Variants in GREB1L observed in about 807,000 individuals in gnomAD.
GREB1L encodes the protein GREB1-like protein.
In GREB1L, 17 loss-of-function variants were observed where a neutral mutation model predicts 200.8. The observed-to-expected ratio is 0.08, with a 90% CI of 0.06 to 0.13. GREB1L has a LOEUF of 0.13. Ranked by LOEUF, GREB1L falls within the 10% of genes least tolerant of loss-of-function variation. GREB1L has a pLI of 1.00. For missense variants in GREB1L, 1,657 were observed against 2,367.7 expected (o/e 0.70, Z 6.23); for synonymous variants, 789 against 893.0 (o/e 0.88, Z 2.08).
At chr18:21,505,296 TCAGAAATGCC>T in intron 23 of GREB1L, 106 bp from the exon 24 acceptor site, 3 of 923,746 alleles carry the variant, frequency 3.2e-6, no homozygotes, top group South Asian at 1.7e-5. Flanking sequence ...AGCTCATTTT[TCAGAAATGCC>T]TTTGTCCACC....
intron 1 of GREB1L, among the ~76,000 whole-genome samples, chr18:21,337,053 A>G (rs1598670117): frequency 6.6e-6 from 1 of 152,220 alleles, no homozygotes; most frequent in African/African-American, 2.4e-5. Context: ...CACAGACTTG[A>G]TATCTCTTAT....
intron 30 of GREB1L, among the ~76,000 whole-genome samples, chr18:21,517,578 T>C (rs1440185349): frequency 6.6e-6 from 1 of 152,226 alleles, no homozygotes; most frequent in East Asian, 1.9e-4. Flanking sequence ...TCTTAAAAGA[T>C]AGTAATAAAG....
At chr18:21,363,403 A>G (rs2143594069) in intron 1 of GREB1L, among the ~76,000 whole-genome samples, 1 of 151,334 alleles carries the variant, frequency 6.6e-6, no homozygotes, top group Admixed American at 6.6e-5. Flanking sequence ...CAATCCACAA[A>G]TAATCACTCT....
intron 4 of GREB1L, among the ~76,000 whole-genome samples, chr18:21,389,018 C>T (rs1337455579): frequency 2.0e-5 from 3 of 152,024 alleles, no homozygotes; most frequent in Non-Finnish European, 4.4e-5. Flanking sequence ...GTGTTATCCC[C>T]ACTCTCCTTC....
At chr18:21,418,271 C>T (rs1215513799) in intron 7 of GREB1L, among the ~76,000 whole-genome samples, 1 of 152,114 alleles carries the variant, frequency 6.6e-6, no homozygotes, top group Non-Finnish European at 1.5e-5. Flanking sequence ...TCAGTATCCA[C>T]AAGGGCTTGA....
At chr18:21,310,990 T>C (rs896176970) in intron 1 of GREB1L, among the ~76,000 whole-genome samples, 1 of 152,178 alleles carries the variant, frequency 6.6e-6, no homozygotes, top group East Asian at 1.9e-4. Flanking sequence ...AGGGCCTATA[T>C]CACCAAACTT....
At chr18:21,481,427 C>T (rs1427111288) in intron 17 of GREB1L, among the ~76,000 whole-genome samples, 1 of 141,744 alleles carries the variant, frequency 7.1e-6, no homozygotes, top group African/African-American at 2.7e-5. Context: ...TTTTGAGCAA[C>T]AGTATATATG....
At chr18:21,522,104 T>A (rs772949673) in intron 32 of GREB1L, among the ~76,000 whole-genome samples, 2 of 150,510 alleles carry the variant, frequency 1.3e-5, no homozygotes, top group Middle Eastern at 6.9e-3. Context: ...GAGGAACACA[T>A]GAGAAACATA....
chr18:21,366,602 GA>G (rs1344540525), intron 2 of GREB1L, among the ~76,000 whole-genome samples: 1 of 150,568 alleles, frequency 6.6e-6, no homozygotes, highest in Non-Finnish European at 1.5e-5. Context: ...TTTAGAAAAG[GA>G]AAAAGGTGAT....
At chr18:21,363,055 T>A (rs2039601504) in intron 1 of GREB1L, among the ~76,000 whole-genome samples, 1 of 152,202 alleles carries the variant, frequency 6.6e-6, no homozygotes, top group Non-Finnish European at 1.5e-5. Context: ...TTGTCACAGG[T>A]TGCTTTTTAA....
At chr18:21,513,444 T>C (rs944415935) in intron 27 of GREB1L, among the ~76,000 whole-genome samples, 3 of 152,228 alleles carry the variant, frequency 2.0e-5, no homozygotes, top group African/African-American at 4.8e-5. Flanking sequence ...CCTCTTGTCA[T>C]GCTTCAAGGA....
intron 27 of GREB1L, 78 bp from the exon 28 acceptor site, chr18:21,513,743 T>C: frequency 7.4e-7 from 1 of 1,342,984 alleles, no homozygotes; most frequent in Non-Finnish European, 1.0e-6. Flanking sequence ...GTGGAGAGAA[T>C]ATAGCTGCCT....
intron 7 of GREB1L, among the ~76,000 whole-genome samples, chr18:21,430,574 T>C (rs943248156): frequency 2.7e-5 from 4 of 149,300 alleles, no homozygotes; most frequent in African/African-American, 9.9e-5. Flanking sequence ...GGTGATTGAT[T>C]TGGGATCTTT....
intron 17 of GREB1L, among the ~76,000 whole-genome samples, chr18:21,480,336 G>A (rs1403508113): frequency 6.6e-6 from 1 of 152,038 alleles, no homozygotes; most frequent in Non-Finnish European, 1.5e-5. Context: ...AGGTGACAGA[G>A]GAAGACTCCA....
intron 23 of GREB1L, among the ~76,000 whole-genome samples, chr18:21,501,796 T>C (rs931504629): frequency 6.6e-6 from 1 of 152,194 alleles, no homozygotes; most frequent in Admixed American, 6.5e-5. Context: ...TGAAAACTTC[T>C]ATGTGTAGAA....
At chr18:21,391,123 C>G (rs1366902003) in intron 4 of GREB1L, among the ~76,000 whole-genome samples, 1 of 152,166 alleles carries the variant, frequency 6.6e-6, no homozygotes, top group Non-Finnish European at 1.5e-5. Flanking sequence ...TGTCCTAGGC[C>G]TTCACATTCA....
At chr18:21,454,654 A>G in intron 15 of GREB1L, 91 bp downstream of exon 15, 1 of 991,100 alleles carries the variant, frequency 1.0e-6, no homozygotes, top group Non-Finnish European at 1.6e-6. Flanking sequence ...CGTCTAGAGG[A>G]TGCTTAAAAC....
intron 7 of GREB1L, among the ~76,000 whole-genome samples, chr18:21,415,611 G>C (rs1383242770): frequency 6.6e-6 from 1 of 151,954 alleles, no homozygotes; most frequent in Non-Finnish European, 1.5e-5. Context: ...GAAAGAGAAA[G>C]GAAGAACCAC....
Position 21,289,543 on chromosome 18 carries a change from C to G in GREB1L, c.-120+47150C>G, listed in dbSNP as rs201922313. ...GGGAGACACAGTGAGACCATCCCCC[C>G]CCGCAAAAAAAAGGCTTTCTGGTCT... On this transcript the variant is annotated intron_variant, in intron 1 of 32. Transcript: ENST00000424526. Among the ~76,000 whole-genome samples, 60 of 151,242 alleles carry G rather than the reference C, an allele frequency of 4.0e-4. No homozygotes were observed. The East Asian group carries it at 9.7e-3, about 24-fold the overall frequency.
Sources: allele counts gnomAD v4.1 joint callset (sites outside exome capture counted in the v4.1 genomes callset), GRCh38; gene constraint gnomAD v4.1.1; transcripts MANE v1.5; gene names NCBI Gene and HGNC (gene_info 2026-07-23, HGNC 2026-07-21).